Variants in OPCML observed in about 807,000 individuals in gnomAD.
OPCML encodes the protein opioid binding protein/cell adhesion molecule like.
OPCML carries 13 observed loss-of-function variants against 37.8 expected under a neutral mutation model. That is an observed-to-expected ratio of 0.34 (90% CI 0.22 to 0.55). OPCML has a LOEUF of 0.55. Ranked by LOEUF, OPCML falls within the 20% of genes least tolerant of loss-of-function variation. OPCML has a pLI of 0.91. For synonymous variants in OPCML, 176 were observed against 168.8 expected, an observed-to-expected ratio of 1.04 and a Z score of -0.33; for missense variants, 341 against 435.6, an observed-to-expected ratio of 0.78 and a Z score of 1.93.
chr11:132,809,338 T>A (rs1165848770), intron 2 of OPCML, among the ~76,000 whole-genome samples: 1 of 152,074 alleles, frequency 6.6e-6, no homozygotes, highest in Non-Finnish European at 1.5e-5. Context: ...AAGTAGATAA[T>A]CCAAACCTCA....
chr11:132,562,517 T>C (rs986727621), intron 3 of OPCML, among the ~76,000 whole-genome samples: 1 of 152,112 alleles, frequency 6.6e-6, no homozygotes, highest in Non-Finnish European at 1.5e-5. Context: ...GGGTTAGAAT[T>C]ATAAAGCAGA....
chr11:133,075,271 A>G (rs945509990), intron 1 of OPCML, among the ~76,000 whole-genome samples: 1 of 152,204 alleles, frequency 6.6e-6, no homozygotes, highest in African/African-American at 2.4e-5. Flanking sequence ...CTATGTGCTC[A>G]CCAGCCTTTC....
chr11:132,891,211 T>C (rs1943634825), intron 2 of OPCML, among the ~76,000 whole-genome samples: 1 of 152,202 alleles, frequency 6.6e-6, no homozygotes, highest in Non-Finnish European at 1.5e-5. Context: ...TGTCTGGCTG[T>C]CTTGGTTCAA....
chr11:133,016,539 G>A (rs1947339190), intron 1 of OPCML, among the ~76,000 whole-genome samples: 2 of 152,178 alleles, frequency 1.3e-5, no homozygotes, highest in Admixed American at 1.3e-4. Flanking sequence ...ATGACACTGA[G>A]CCCACTTGGA....
intron 7 of OPCML, among the ~76,000 whole-genome samples, chr11:132,432,954 G>A (rs2096002225): frequency 6.6e-6 from 1 of 152,208 alleles, no homozygotes; most frequent in African/African-American, 2.4e-5. Flanking sequence ...TGCTCTGTGT[G>A]AGTGCAGCAG....
At chr11:132,732,751 C>A (rs1436104558) in intron 2 of OPCML, among the ~76,000 whole-genome samples, 2 of 152,098 alleles carry the variant, frequency 1.3e-5, no homozygotes, top group Non-Finnish European at 1.5e-5. Context: ...AGACAGAGAA[C>A]AATTGAACTG....
chr11:132,669,419 G>T (rs868523257), intron 2 of OPCML, among the ~76,000 whole-genome samples: 1 of 132,662 alleles, frequency 7.5e-6, no homozygotes, highest in African/African-American at 2.8e-5. Context: ...AGGGAAAAGG[G>T]AAAATTATTC....
At chr11:133,065,529 G>A (rs1166207032) in intron 1 of OPCML, 2 of 152,242 alleles carry the variant, frequency 1.3e-5, no homozygotes, top group African/African-American at 2.4e-5. Flanking sequence ...GAAGGGCATC[G>A]CTTCTTTCCC....
At position 133,153,132 on chromosome 11, in the gene OPCML, T is replaced by G. The variant is rs1227626480; in HGVS notation, c.62-210122A>C. On this transcript the variant is annotated intron_variant, in intron 1 of 7. Coordinates refer to ENST00000524381, the MANE Select transcript of OPCML (RefSeq NM_001012393.5). ...ATCTGGATCAGGACTGAGTCAAGCCTCCCACATTCTGCAGCAGCTCAGAGA... is the reference window on the plus strand; with the variant it reads ...ATCTGGATCAGGACTGAGTCAAGCCGCCCACATTCTGCAGCAGCTCAGAGA... Among the ~76,000 whole-genome samples, 3 of 152,138 alleles carry G rather than the reference T, an allele frequency of 2.0e-5. No homozygotes were observed. In the East Asian group the frequency reaches 5.8e-4, roughly 29 times the overall value.
chr11:132,709,518 A>G (rs1784179), intron 2 of OPCML, among the ~76,000 whole-genome samples: 112,130 of 152,078 alleles, frequency 0.74, 41,497 homozygotes, highest in Non-Finnish European at 0.75. Context: ...TTTTTCCTAA[A>G]TCTCCTCCAA....
intron 1 of OPCML, among the ~76,000 whole-genome samples, chr11:133,427,875 G>A (rs1250225857): frequency 6.6e-6 from 1 of 151,910 alleles, no homozygotes; most frequent in Non-Finnish European, 1.5e-5. Flanking sequence ...ATATCTATGT[G>A]CATATATATG....
intron 2 of OPCML, among the ~76,000 whole-genome samples, chr11:132,776,386 T>C (rs975089573): frequency 7.9e-5 from 12 of 152,172 alleles, no homozygotes; most frequent in Non-Finnish European, 1.6e-4. Context: ...ATGGTTTGGA[T>C]GTTTGTCCTC....
intron 1 of OPCML, among the ~76,000 whole-genome samples, chr11:132,997,203 G>A (rs927981026): frequency 2.6e-5 from 4 of 152,280 alleles, no homozygotes; most frequent in East Asian, 1.9e-4. Flanking sequence ...GCCCTCACAC[G>A]TATCTGCACA....
intron 1 of OPCML, among the ~76,000 whole-genome samples, chr11:133,119,152 C>T (rs1949382769): frequency 6.6e-6 from 1 of 152,008 alleles, no homozygotes; most frequent in Non-Finnish European, 1.5e-5. Context: ...TATAAATGGC[C>T]CATCCCTCCA....
chr11:132,830,715 C>T (rs1200179282), intron 2 of OPCML, among the ~76,000 whole-genome samples: 2 of 152,206 alleles, frequency 1.3e-5, no homozygotes, highest in Non-Finnish European at 2.9e-5. Flanking sequence ...GAGCGGTTGC[C>T]TTCCTCTAAA....
At chr11:133,125,613 A>G (rs1949489228) in intron 1 of OPCML, among the ~76,000 whole-genome samples, 2 of 146,780 alleles carry the variant, frequency 1.4e-5, no homozygotes, top group African/African-American at 5.0e-5. Context: ...TATATACACT[A>G]TATGTAGTAT....
chr11:133,423,318 C>T, intron 1 of OPCML: 1 of 985,404 alleles, frequency 1.0e-6, no homozygotes, highest in Non-Finnish European at 1.2e-6. Context: ...GGGATTTCCA[C>T]CTGACAATGG....
At chr11:133,509,552 C>T (rs1374126361) in intron 1 of OPCML, among the ~76,000 whole-genome samples, 1 of 152,102 alleles carries the variant, frequency 6.6e-6, no homozygotes, top group Non-Finnish European at 1.5e-5. Context: ...AATGCTGTTC[C>T]ATACTCACTC....
chr11:132,625,359 C>T (rs1939674787), intron 3 of OPCML, among the ~76,000 whole-genome samples: 1 of 152,068 alleles, frequency 6.6e-6, no homozygotes, highest in Non-Finnish European at 1.5e-5. Flanking sequence ...AGAAGCAGTC[C>T]ATGATCTGAG....
Sources: gnomAD v4.1 joint callset for allele counts (sites outside exome capture counted in the v4.1 genomes callset) on GRCh38, gnomAD v4.1.1 for gene constraint, MANE v1.5 for transcripts, NCBI Gene and HGNC (gene_info 2026-07-23, HGNC 2026-07-21) for gene names.